The following CCDC187 variants were observed in gnomAD, a reference collection of about 807,000 sequenced individuals.
CCDC187 encodes coiled-coil domain containing 187.
CCDC187 carries 32 observed loss-of-function variants against 38.0 expected under a neutral mutation model. The ratio of observed to expected loss-of-function variants is 0.84; its 90% CI spans 0.64 to 1.13. The LOEUF (loss-of-function observed/expected upper bound fraction) is 1.13. CCDC187 is among the 50% of genes most tolerant of loss of function. CCDC187 has a pLI of 0.00. For missense variants in CCDC187, 707 were observed against 786.8 expected, an observed-to-expected ratio of 0.90 and a Z score of 1.21; for synonymous variants, 333 against 347.9, an observed-to-expected ratio of 0.96 and a Z score of 0.48.
In CCDC187 at chr9:136,251,683, G is replaced by A. The variant is rs181827834; in HGVS notation, c.*1911C>T. 329 of 155,318 alleles carry A rather than the reference G, an allele frequency of 2.1e-3. 1 individual carries two copies. Among genetic ancestry groups the A allele is most frequent in the Non-Finnish European group, 2.6e-3 (180 of 69,322 alleles). The allele number at this position is 155,318 out of a possible 1,614,324, so 9.6% of individuals were successfully genotyped here. A position where few individuals can be genotyped will look rare whatever the true frequency, so the allele number is the denominator to read the frequency against. On this transcript the variant is annotated 3_prime_UTR_variant, in exon 26 of 26. Transcript: ENST00000638797. ...ATAGGCGCTGCTCCGCCCCGTCCTC[G>A]TTCCTGCTCTTGGCGACTCTGACTG...
At position 136,281,917 on chromosome 9, in the gene CCDC187, G is replaced by A. The variant is rs1432535537; in HGVS notation, c.2928-254C>T. ...GTGAGTGGGTGGGGCCTGAGCATGC[G>A]TCCCAGCGTGGTGGCGTGGGCTGAG... is the stretch of plus-strand genomic sequence containing the variant. On this transcript the variant is annotated intron_variant, in intron 9 of 25. Transcript: ENST00000638797. 1.7e-4 allele frequency among the ~76,000 whole-genome samples: 26 copies of A among 152,334 alleles called. No homozygotes were observed. The East Asian group carries it at 2.3e-3, about 14-fold the overall frequency.
chr9:136,293,539 T>A (rs1311920495), intron 4 of CCDC187, among the ~76,000 whole-genome samples: 1 of 147,448 alleles, frequency 6.8e-6, no homozygotes, highest in Non-Finnish European at 1.5e-5. Flanking sequence ...GCTTACACAC[T>A]CACACTGACA....
chr9:136,292,763 G>A (rs1423401520), intron 4 of CCDC187, among the ~76,000 whole-genome samples: 1 of 152,184 alleles, frequency 6.6e-6, no homozygotes, highest in Non-Finnish European at 1.5e-5. Context: ...GTCACCGCTG[G>A]CCACGTGTGC....
rs1403357280 is a variant in CCDC187 at position 136,265,947 on chromosome 9, T to C, written c.3735+9A>G. 2.0e-6 allele frequency: 2 copies of C among 985,308 alleles called. No individual in the cohort carries two copies. The highest frequency in any genetic ancestry group is 2.4e-6 in the Non-Finnish European group (2 of 829,898). The allele number at this position is 985,308 out of a possible 1,614,324, so 61.0% of individuals were successfully genotyped here. On this transcript the variant is annotated intron_variant, in intron 17 of 25. Coordinates refer to ENST00000638797, the MANE Select transcript of CCDC187 (RefSeq NM_001378188.1). ...CCACCCTGACCCACCAGGCCTGTGC[T>C]GGCCCCACCTGCTCCTTCTCCAATC... is the stretch of plus-strand genomic sequence containing the variant.
intron 9 of CCDC187, among the ~76,000 whole-genome samples, chr9:136,282,106 G>A (rs1480844184): frequency 2.0e-5 from 3 of 152,202 alleles, no homozygotes; most frequent in African/African-American, 7.2e-5. Context: ...CGTGGTCATC[G>A]GGACCATCTC....
upstream of CCDC187, among the ~76,000 whole-genome samples, chr9:136,306,182 C>G (rs1001941855): frequency 6.6e-6 from 1 of 152,312 alleles, no homozygotes; most frequent in Admixed American, 6.5e-5. Flanking sequence ...GCCAGGCCCC[C>G]CTGTCCCCAG....
intron 10 of CCDC187, among the ~76,000 whole-genome samples, chr9:136,277,896 G>A (rs1830964158): frequency 6.6e-6 from 1 of 152,172 alleles, no homozygotes. Context: ...TCCTCCAGTG[G>A]ACTGCTCGCC....
intron 4 of CCDC187, among the ~76,000 whole-genome samples, chr9:136,292,950 G>A (rs1353571102): frequency 6.6e-6 from 1 of 152,212 alleles, no homozygotes; most frequent in Non-Finnish European, 1.5e-5. Context: ...TGCAGTGAGT[G>A]GCGCTCATCC....
chr9:136,272,787 T>C (rs1554762618), intron 14 of CCDC187, among the ~76,000 whole-genome samples: 2 of 151,574 alleles, frequency 1.3e-5, no homozygotes, highest in Non-Finnish European at 2.9e-5. Context: ...GGAAGGAGGA[T>C]TGCTTGAGCC....
rs1029663359 is a variant in CCDC187 at position 136,299,099 on chromosome 9, T to C, written c.724+1121A>G. ...GAAAGTGGTCACCAAGCTGATGCCA[T>C]TGGGGTCCCCCTGGAAGGCGGAGGA... is the stretch of plus-strand genomic sequence containing the variant. On this transcript the variant is annotated intron_variant, in intron 3 of 25. Coordinates refer to ENST00000638797, the MANE Select transcript of CCDC187 (RefSeq NM_001378188.1). Among the ~76,000 whole-genome samples, 1,060 of 152,184 alleles carry C rather than the reference T, an allele frequency of 7.0e-3. 14 individuals carry two copies. The highest frequency in any genetic ancestry group is 0.011 in the Non-Finnish European group (769 of 67,984).
In CCDC187 at chr9:136,286,485, A is replaced by G. The variant is rs1237962260; in HGVS notation, c.2433T>C (p.Thr811=). The change falls in exon 8 of 26, where the codon ACT becomes ACC. Residue 811 remains threonine (T), a synonymous_variant. Coordinates refer to ENST00000638797, the MANE Select transcript of CCDC187 (RefSeq NM_001378188.1). ...TATGCCGGAGGTGCAGGGAGCTGGA[A>G]GTGCCCAGGTGCTCAGCCTCCTTTG... is the stretch of plus-strand genomic sequence containing the variant. The part of the protein sequence containing the change: ...LDPKEAEHLG[T]SSSLHLRHKQ... The G allele has an allele frequency of 1.5e-5, 6 of 398,646 alleles. No homozygotes were observed. Among genetic ancestry groups the G allele is most frequent in the African/African-American group, 4.1e-5 (2 of 48,642 alleles). The allele number at this position is 398,646 out of a possible 1,614,324, so 24.7% of individuals were successfully genotyped here.
chr9:136,263,260 G>A (rs1489110844), intron 18 of CCDC187, among the ~76,000 whole-genome samples: 1 of 120,882 alleles, frequency 8.3e-6, no homozygotes, highest in East Asian at 2.5e-4. Context: ...TTTTTGAGAC[G>A]AAGTCTCCCT....
In CCDC187 at chr9:136,291,530, G is replaced by A. The variant is rs1831330850; in HGVS notation, c.1083C>T (p.Ser361=). 2 of 398,782 alleles carry A rather than the reference G, an allele frequency of 5.0e-6. No individual in the cohort carries two copies. Among genetic ancestry groups the A allele is most frequent in the Admixed American group, 4.4e-5 (1 of 22,748 alleles). 24.7% of individuals were successfully genotyped at this position (398,782 alleles called of 1,614,324 possible). A position where few individuals can be genotyped will look rare whatever the true frequency, so the allele number is the denominator to read the frequency against. ...TCTGTATGGTCGCTGGCTGGTCGAA[G>A]GAAGCCAGGCTGGGTGTGTTCCCAG... The part of the protein sequence containing the change: ...QVSGNTPSLA[S]FDQPATIQTA... The change falls in exon 6 of 26, where the codon TCC becomes TCT. Residue 361 remains serine, a synonymous_variant. Transcript: ENST00000638797.
At chr9:136,302,162 T>C (rs889532375) in intron 2 of CCDC187, among the ~76,000 whole-genome samples, 2 of 152,062 alleles carry the variant, frequency 1.3e-5, no homozygotes, top group African/African-American at 4.8e-5. Context: ...TACTCCAGCC[T>C]GGGTGACAGA....
chr9:136,253,798 G>A lies in CCDC187; in HGVS notation c.6030C>T (p.Ala2010=). ...ADLPSSIHRE[A]PLPPPPPTPQ... is the part of the protein sequence containing the mutation. The stretch of plus-strand genomic sequence containing the variant: ...GAGTGGGAGGAGGTGGGGGTAGGGG[G>A]GCCTCCCTGTGGATGGAGGACGGGA... Residue 2010 remains alanine, a synonymous_variant, in exon 26 of 26, where the codon GCC becomes GCT. Coordinates refer to ENST00000638797, the MANE Select transcript of CCDC187 (RefSeq NM_001378188.1). 1 of 985,526 alleles carries A rather than the reference G, an allele frequency of 1.0e-6. No homozygotes were observed. 61.0% of individuals were successfully genotyped at this position (985,526 alleles called of 1,614,324 possible).
At chr9:136,266,703 T>C (rs1830753282) in intron 16 of CCDC187, 1 of 152,246 alleles carries the variant, frequency 6.6e-6, no homozygotes, top group Non-Finnish European at 1.5e-5. Context: ...AAGGTTTTCC[T>C]GACATATAAA....
upstream of CCDC187, among the ~76,000 whole-genome samples, chr9:136,306,026 C>A (rs976039775): frequency 1.3e-5 from 2 of 152,226 alleles, no homozygotes; most frequent in African/African-American, 4.8e-5. Context: ...CACCGGCTGG[C>A]GCCCCTGCCC....
intron 19 of CCDC187, among the ~76,000 whole-genome samples, chr9:136,261,960 TGGCCAGGCTCTCGGGCAGC>T (rs782047462): frequency 1.6e-4 from 25 of 152,300 alleles, no homozygotes; most frequent in Non-Finnish European, 2.4e-4. Flanking sequence ...CCTCCTCCCA[TGGCCAGGCTCTCGGGCAGC>T]GGCCAGGCTC....
At chr9:136,295,237 C>T (rs947547251) in intron 4 of CCDC187, among the ~76,000 whole-genome samples, 3 of 152,226 alleles carry the variant, frequency 2.0e-5, no homozygotes, top group South Asian at 2.1e-4. Flanking sequence ...TGCTCTCCCT[C>T]GCTGGGTTGC....
Sources: allele counts gnomAD v4.1 joint callset (sites outside exome capture counted in the v4.1 genomes callset), GRCh38; gene constraint gnomAD v4.1.1; transcripts MANE v1.5; gene names NCBI Gene and HGNC (gene_info 2026-07-23, HGNC 2026-07-21).